The following CALN1 variants were observed in gnomAD, a reference collection of about 807,000 sequenced individuals.
CALN1 encodes calcium-binding protein 8.
Under a neutral mutation model 30.6 loss-of-function variants are expected in CALN1, and 17 were observed. That is an observed-to-expected ratio of 0.56 (90% confidence interval 0.38 to 0.83). The LOEUF (loss-of-function observed/expected upper bound fraction) is 0.83, where lower values mean the gene tolerates loss of function less well. Among genes scored for constraint, CALN1 ranks in the 40% least tolerant of loss-of-function variants. CALN1 has a pLI of 0.00. For missense variants in CALN1, 291 were observed against 354.9 expected (o/e 0.82, Z 1.45); for synonymous variants, 156 against 131.4 (o/e 1.19, Z -1.28).
At chr7:72,277,364 C>G (rs1312980281) in intron 3 of CALN1, among the ~76,000 whole-genome samples, 1 of 152,208 alleles carries the variant, frequency 6.6e-6, no homozygotes, top group Non-Finnish European at 1.5e-5. Flanking sequence ...TTTCCTGCTT[C>G]TGTGTCCTGC....
At chr7:72,186,298 G>A (rs1025858201) in intron 3 of CALN1, among the ~76,000 whole-genome samples, 1 of 151,976 alleles carries the variant, frequency 6.6e-6, no homozygotes, top group African/African-American at 2.4e-5. Context: ...GGAACCGAAT[G>A]GACAGGTGGG....
chr7:71,886,583 G>A (rs145667192), intron 5 of CALN1, among the ~76,000 whole-genome samples: 1,695 of 152,206 alleles, frequency 0.011, 8 homozygotes, highest in Non-Finnish European at 0.017. Flanking sequence ...GACCAGCCTG[G>A]TTAACATGAT....
At chr7:72,044,807 A>G (rs1802365586) in intron 4 of CALN1, among the ~76,000 whole-genome samples, 1 of 151,646 alleles carries the variant, frequency 6.6e-6, no homozygotes, top group Admixed American at 6.6e-5. Context: ...ATTCGAAGAG[A>G]TGGGGTCTCA....
intron 2 of CALN1, among the ~76,000 whole-genome samples, chr7:72,362,797 C>A (rs1275356795): frequency 2.0e-5 from 3 of 152,134 alleles, no homozygotes; most frequent in African/African-American, 7.2e-5. Context: ...CTCTTGATCC[C>A]AGCCCAGCCA....
chr7:72,043,022 G>A (rs1163991818), intron 4 of CALN1, among the ~76,000 whole-genome samples: 1 of 152,082 alleles, frequency 6.6e-6, no homozygotes, highest in South Asian at 2.1e-4. Context: ...TAAACATTTC[G>A]ACCTAGAGCA....
intron 3 of CALN1, among the ~76,000 whole-genome samples, chr7:72,204,711 A>G (rs1191793785): frequency 6.6e-6 from 1 of 152,208 alleles, no homozygotes; most frequent in Non-Finnish European, 1.5e-5. Flanking sequence ...TAAATGAATT[A>G]TACATGTAAA....
chr7:72,146,655 T>A (rs1786760908), intron 3 of CALN1, among the ~76,000 whole-genome samples: 1 of 152,080 alleles, frequency 6.6e-6, no homozygotes, highest in African/African-American at 2.4e-5. Flanking sequence ...GAGCCCACAT[T>A]GCCAAGTCAA....
intron 6 of CALN1, among the ~76,000 whole-genome samples, chr7:71,810,131 A>G (rs1261200607): frequency 6.6e-6 from 1 of 152,160 alleles, no homozygotes; most frequent in Non-Finnish European, 1.5e-5. Context: ...TCTGCAAAAA[A>G]TGCAGAATTT....
At chr7:72,376,963 G>A (rs1804596825) in intron 2 of CALN1, among the ~76,000 whole-genome samples, 1 of 152,118 alleles carries the variant, frequency 6.6e-6, no homozygotes, top group South Asian at 2.1e-4. Context: ...TCCATTGAAT[G>A]GCCTTGGCAC....
chr7:72,286,248 A>C (rs1000437299), intron 2 of CALN1, among the ~76,000 whole-genome samples: 7 of 151,830 alleles, frequency 4.6e-5, no homozygotes, highest in African/African-American at 1.7e-4. Flanking sequence ...TTGCTTTATT[A>C]AAGCAGCCAA....
At chr7:72,494,506 A>G in the CALN1 span, among the ~76,000 whole-genome samples, 2 of 152,174 alleles carry the variant, frequency 1.3e-5, no homozygotes, top group African/African-American at 4.8e-5. Context: ...TTTTGACGCA[A>G]GCTGGGACAC....
intron 5 of CALN1, among the ~76,000 whole-genome samples, chr7:71,920,614 C>T (rs568258419): frequency 6.6e-6 from 1 of 152,198 alleles, no homozygotes; most frequent in Non-Finnish European, 1.5e-5. Flanking sequence ...GGATTACAGG[C>T]GTGAGCCACA....
chr7:72,331,363 A>AG (rs1047534461), intron 2 of CALN1, among the ~76,000 whole-genome samples: 6 of 152,130 alleles, frequency 3.9e-5, no homozygotes, highest in African/African-American at 1.4e-4. Flanking sequence ...AAAGAAAGAA[A>AG]AAAAAGAAAA....
chr7:72,253,519 G>C (rs1169410870), intron 3 of CALN1, among the ~76,000 whole-genome samples: 1 of 152,220 alleles, frequency 6.6e-6, no homozygotes, highest in Admixed American at 6.5e-5. Context: ...GAAGTTGAAA[G>C]GGAAACAAGC....
intron 2 of CALN1, among the ~76,000 whole-genome samples, chr7:72,285,988 G>A (rs1051952874): frequency 3.9e-5 from 6 of 152,124 alleles, no homozygotes; most frequent in African/African-American, 7.2e-5. Flanking sequence ...AAACAACCAC[G>A]AAAGCACACC....
At chr7:72,091,259 A>C (rs886824489) in intron 4 of CALN1, among the ~76,000 whole-genome samples, 1 of 152,192 alleles carries the variant, frequency 6.6e-6, no homozygotes, top group African/African-American at 2.4e-5. Flanking sequence ...TGGAACTGGT[A>C]GGCAAAGGTA....
At chr7:72,115,484 C>CTTTTTTTTTTTTTTTTTTTTTTT (rs71069026) in intron 3 of CALN1, among the ~76,000 whole-genome samples, 3 of 80,598 alleles carry the variant, frequency 3.7e-5, no homozygotes, top group Non-Finnish European at 4.2e-5. Flanking sequence ...CATATACATT[C>CTTTTTTTTTTTTTTTTTTTTTTT]TTTTTTTTTT....
intron 3 of CALN1, among the ~76,000 whole-genome samples, chr7:72,107,472 A>G (rs1807256217): frequency 6.6e-6 from 1 of 152,254 alleles, no homozygotes; most frequent in South Asian, 2.1e-4. Context: ...CTCTGCGGTC[A>G]GCAAGGGCTG....
At chr7:71,847,186 A>C (rs1452098729) in intron 5 of CALN1, among the ~76,000 whole-genome samples, 1 of 151,898 alleles carries the variant, frequency 6.6e-6, no homozygotes, top group Non-Finnish European at 1.5e-5. Flanking sequence ...GCCTGAAGGC[A>C]GGTGATATGG....
Sources: gnomAD v4.1 joint callset for allele counts (sites outside exome capture counted in the v4.1 genomes callset) on GRCh38, gnomAD v4.1.1 for gene constraint, MANE v1.5 for transcripts, NCBI Gene and HGNC (gene_info 2026-07-23, HGNC 2026-07-21) for gene names.